NARS2: variants seen among roughly 807,000 people sequenced by gnomAD.
NARS2 encodes asparaginyl-tRNA synthetase.
A neutral mutation model predicts 62.9 loss-of-function variants in NARS2; 60 were observed. The ratio of observed to expected loss-of-function variants is 0.95; its 90% confidence interval spans 0.77 to 1.18. The LOEUF (loss-of-function observed/expected upper bound fraction) is 1.18, where lower values mean the gene tolerates loss of function less well. Among genes scored for constraint, NARS2 ranks in the 50% most tolerant of loss-of-function variants. NARS2 has a pLI of 0.00. For synonymous variants in NARS2, 196 were observed against 200.0 expected (o/e 0.98, Z 0.17); for missense variants, 619 against 576.4 (o/e 1.07, Z -0.76).
At chr11:78,547,285 A>G (rs996829188) in intron 5 of NARS2, among the ~76,000 whole-genome samples, 4 of 152,236 alleles carry the variant, frequency 2.6e-5, no homozygotes, top group African/African-American at 7.2e-5. Context: ...AAAAGAACTC[A>G]GAAACTGTTC....
At chr11:78,454,507 G>A (rs1481328798) in intron 11 of NARS2, among the ~76,000 whole-genome samples, 2 of 152,080 alleles carry the variant, frequency 1.3e-5, no homozygotes, top group Non-Finnish European at 2.9e-5. Flanking sequence ...TTTTTGTCAT[G>A]AGTAAAAGCT....
At chr11:78,523,546 A>C (rs911082158) in intron 6 of NARS2, among the ~76,000 whole-genome samples, 13 of 152,244 alleles carry the variant, frequency 8.5e-5, no homozygotes, top group Non-Finnish European at 1.6e-4. Context: ...TACAAGAGCC[A>C]AAAGTAGAAA....
chr11:78,527,991 T>G (rs1363988279), intron 6 of NARS2, among the ~76,000 whole-genome samples: 1 of 152,166 alleles, frequency 6.6e-6, no homozygotes, highest in Non-Finnish European at 1.5e-5. Flanking sequence ...ATGCCTTGAG[T>G]TCCAGTTACT....
At chr11:78,490,100 C>T (rs1308289304) in intron 7 of NARS2, among the ~76,000 whole-genome samples, 1 of 152,120 alleles carries the variant, frequency 6.6e-6, no homozygotes, top group East Asian at 1.9e-4. Flanking sequence ...TAAATATTTA[C>T]GGCAACTTTG....
At chr11:78,552,125 TC>T (rs903679447) in intron 5 of NARS2, among the ~76,000 whole-genome samples, 1 of 152,222 alleles carries the variant, frequency 6.6e-6, no homozygotes, top group Non-Finnish European at 1.5e-5. Flanking sequence ...AGTTATCTTT[TC>T]CGCTCTTCTC....
At chr11:78,569,375 G>C (rs552673811) in intron 2 of NARS2, among the ~76,000 whole-genome samples, 1 of 152,040 alleles carries the variant, frequency 6.6e-6, no homozygotes, top group African/African-American at 2.4e-5. Context: ...GGCTGGTCTC[G>C]AACACCTGGG....
chr11:78,511,331 G>T (rs192615784), intron 6 of NARS2, among the ~76,000 whole-genome samples: 10 of 152,272 alleles, frequency 6.6e-5, no homozygotes, highest in Admixed American at 2.0e-4. Flanking sequence ...CCCTCGCCTT[G>T]TCCTCCCCAA....
At chr11:78,544,238 C>T (rs190516030) in intron 5 of NARS2, among the ~76,000 whole-genome samples, 24 of 151,970 alleles carry the variant, frequency 1.6e-4, no homozygotes, top group African/African-American at 5.8e-4. Flanking sequence ...TACTCCTTTG[C>T]TTATAACTCT....
chr11:78,463,929 C>T (rs76474292), intron 11 of NARS2, among the ~76,000 whole-genome samples: 3,860 of 152,238 alleles, frequency 0.025, 167 homozygotes, highest in African/African-American at 0.089. Context: ...GCCAAGCCAG[C>T]TTTTCCTTTG....
At chr11:78,490,360 C>A (rs889919788) in intron 7 of NARS2, among the ~76,000 whole-genome samples, 1 of 152,146 alleles carries the variant, frequency 6.6e-6, no homozygotes, top group Non-Finnish European at 1.5e-5. Flanking sequence ...TGAGATAACA[C>A]CAGCAAAGGT....
intron 6 of NARS2, among the ~76,000 whole-genome samples, chr11:78,525,269 T>C (rs1861255636): frequency 6.6e-6 from 1 of 152,102 alleles, no homozygotes; most frequent in Non-Finnish European, 1.5e-5. Flanking sequence ...TGAATGCTCG[T>C]AAAAGCTATG....
chr11:78,493,024 T>C (rs1331269127), intron 7 of NARS2, 39 bp downstream of exon 7: 1 of 1,456,054 alleles, frequency 6.9e-7, no homozygotes, highest in East Asian at 2.3e-5. Flanking sequence ...AACATTTTAA[T>C]GTCACAGATA....
intron 5 of NARS2, among the ~76,000 whole-genome samples, chr11:78,541,397 T>G (rs1384998953): frequency 2.0e-5 from 3 of 151,682 alleles, no homozygotes; most frequent in Non-Finnish European, 4.4e-5. Context: ...ACTCCTGGGC[T>G]CAAGTGATCC....
chr11:78,567,246 T>A (rs1296979613), intron 3 of NARS2, among the ~76,000 whole-genome samples: 1 of 152,146 alleles, frequency 6.6e-6, no homozygotes, highest in African/African-American at 2.4e-5. Flanking sequence ...ACGGACAGTA[T>A]CAAACCATAT....
intron 11 of NARS2, among the ~76,000 whole-genome samples, chr11:78,460,501 G>A (rs1386624076): frequency 6.6e-6 from 1 of 152,152 alleles, no homozygotes; most frequent in Non-Finnish European, 1.5e-5. Flanking sequence ...GAGGCTATTA[G>A]TCTAGGCAGT....
In NARS2 at chr11:78,574,466, A is replaced by G; in HGVS notation, c.23T>C (p.Leu8Pro). The G allele has an allele frequency of 1.9e-6, 3 of 1,613,392 alleles. No homozygotes were observed. The highest frequency in any genetic ancestry group is 2.5e-6 in the Non-Finnish European group (3 of 1,179,724). ...GGAGGAACAGAAGCGCACGGACCGC[A>G]GCAGGCAGCGGACCCCCAGCATCCC... is the stretch of plus-strand genomic sequence containing the variant. MLGVRCL[L>P]RSVRFCSSAP... The change falls in exon 1 of 14, where the codon CTG (leucine) becomes CCG (proline). Residue 8 changes from leucine to proline, a missense_variant. Coordinates refer to ENST00000281038, the MANE Select transcript of NARS2 (RefSeq NM_024678.6).
In NARS2 at chr11:78,498,673, T is replaced by C. The variant is rs1478001408; in HGVS notation, c.690-5478A>G. Among the ~76,000 whole-genome samples the C allele has an allele frequency of 1.4e-3, 10 of 7,296 alleles. 1 individual carries two copies. The highest frequency in any genetic ancestry group is 6.8e-3 in the East Asian group (6 of 876). 4.8% of individuals were successfully genotyped at this position (7,296 alleles called of 152,430 possible). A position where few individuals can be genotyped will look rare whatever the true frequency, so the allele number is the denominator to read the frequency against. On this transcript the variant is annotated intron_variant, in intron 6 of 13. Coordinates refer to ENST00000281038, the MANE Select transcript of NARS2 (RefSeq NM_024678.6). Reference sequence around the variant, plus strand: ...TAGGCCAATCTTCCCAATACGCTCTTTTTTTTTTTTTTTCCTGTTGGTTTG... The same window carrying C: ...TAGGCCAATCTTCCCAATACGCTCTCTTTTTTTTTTTTTCCTGTTGGTTTG...
chr11:78,558,460 T>C (rs183051120), intron 5 of NARS2: 1 of 152,364 alleles, frequency 6.6e-6, no homozygotes. Flanking sequence ...ATTTTGTCAT[T>C]TGATAGAATC....
intron 6 of NARS2, 84 bp downstream of exon 6, chr11:78,528,758 A>T (rs1861381271): frequency 1.2e-5 from 11 of 880,242 alleles, no homozygotes; most frequent in Non-Finnish European, 5.5e-6. Context: ...ACTAATTTCA[A>T]CTTTTAGGTT....
Sources: allele counts gnomAD v4.1 joint callset (sites outside exome capture counted in the v4.1 genomes callset), GRCh38; gene constraint gnomAD v4.1.1; transcripts MANE v1.5; gene names NCBI Gene and HGNC (gene_info 2026-07-23, HGNC 2026-07-21).